TMEM272: variants seen among roughly 807,000 people sequenced by gnomAD.
The protein encoded by TMEM272 is long intergenic non-protein coding RNA 282.
TMEM272 carries 8 observed loss-of-function variants against 3.7 expected under a neutral mutation model. The ratio of observed to expected loss-of-function variants is 2.17; its 90% CI spans 1.27 to 3.91. TMEM272 has a LOEUF of 3.91. TMEM272 is among the 30% of genes most tolerant of loss of function. TMEM272 has a pLI of 0.00. For synonymous variants in TMEM272, 63 were observed against 39.8 expected, an observed-to-expected ratio of 1.58 and a Z score of -2.20; for missense variants, 166 against 91.5, an observed-to-expected ratio of 1.81 and a Z score of -3.32.
the TMEM272 span, among the ~76,000 whole-genome samples, chr13:51,879,560 AG>A: frequency 6.6e-6 from 1 of 152,194 alleles, no homozygotes; most frequent in South Asian, 2.1e-4. Context: ...TACAATTCAG[AG>A]GAAGATTTGG....
chr13:51,926,570 C>A, the TMEM272 span, among the ~76,000 whole-genome samples: 2 of 122,138 alleles, frequency 1.6e-5, no homozygotes, highest in East Asian at 5.1e-4. Context: ...GGGAAGAGCC[C>A]GTGAGAGGCA....
chr13:51,879,726 A>G, the TMEM272 span, among the ~76,000 whole-genome samples: 1 of 152,202 alleles, frequency 6.6e-6, no homozygotes. Flanking sequence ...CACCAAGCAT[A>G]CAACGGTGAC....
At chr13:51,933,138 C>T in the TMEM272 span, 2 of 152,318 alleles carry the variant, frequency 1.3e-5, no homozygotes, top group Middle Eastern at 3.4e-3. Context: ...AATAGATCAC[C>T]TGGTAGATTT....
At position 51,816,230 on chromosome 13, in the gene TMEM272, A is replaced by G. The variant is rs1458684014; in HGVS notation, c.*521T>C. 1 of 155,012 alleles carries G rather than the reference A, an allele frequency of 6.5e-6. No homozygotes were observed. Among genetic ancestry groups the G allele is most frequent in the Non-Finnish European group, 1.4e-5 (1 of 69,724 alleles). 9.6% of individuals were successfully genotyped at this position (155,012 alleles called of 1,614,324 possible). On this transcript the variant is annotated 3_prime_UTR_variant, in exon 5 of 5. Transcript: ENST00000629372. ...GAGACTGCTCCTTCACTTTCCCAAA[A>G]GGCAGCTAGAGTCACTAAAAGAATA...
the TMEM272 span, among the ~76,000 whole-genome samples, chr13:51,897,362 A>ATTTTTTTTTTTTTTT: frequency 1.2e-4 from 10 of 82,442 alleles, 2 homozygotes; most frequent in South Asian, 4.3e-4. Flanking sequence ...TGTCTGGCTA[A>ATTTTTTTTTTTTTTT]TTTTTTTTTT....
the TMEM272 span, among the ~76,000 whole-genome samples, chr13:51,861,626 A>G: frequency 6.6e-6 from 1 of 152,218 alleles, no homozygotes; most frequent in South Asian, 2.1e-4. Flanking sequence ...TCACGCTACT[A>G]GTATTCACAT....
the TMEM272 span, among the ~76,000 whole-genome samples, chr13:51,898,690 C>A: frequency 6.6e-6 from 1 of 151,100 alleles, no homozygotes; most frequent in Non-Finnish European, 1.5e-5. Context: ...CTGCACAAAG[C>A]CAACAAGAAT....
chr13:51,823,951 G>C (rs577082887), intron 3 of TMEM272, among the ~76,000 whole-genome samples: 3 of 152,308 alleles, frequency 2.0e-5, no homozygotes, highest in East Asian at 3.9e-4. Context: ...AGGTGAATTT[G>C]TTATTAAATG....
chr13:51,899,114 G>A, the TMEM272 span, among the ~76,000 whole-genome samples: 2 of 152,032 alleles, frequency 1.3e-5, no homozygotes, highest in African/African-American at 4.8e-5. Context: ...CTCTTATCTG[G>A]AAAATCCACA....
chr13:51,851,503 G>GA, the TMEM272 span, among the ~76,000 whole-genome samples: 1 of 146,434 alleles, frequency 6.8e-6, no homozygotes, highest in Non-Finnish European at 1.5e-5. Context: ...AAATCAGCAC[G>GA]AAAAGACCTT....
At chr13:51,906,776 C>CA in the TMEM272 span, among the ~76,000 whole-genome samples, 1 of 152,224 alleles carries the variant, frequency 6.6e-6, no homozygotes, top group Non-Finnish European at 1.5e-5. Context: ...AAAGCCATGC[C>CA]AACTCTCCTC....
intron 4 of TMEM272, among the ~76,000 whole-genome samples, chr13:51,821,656 CT>C (rs1261843520): frequency 2.4e-5 from 3 of 125,198 alleles, no homozygotes; most frequent in African/African-American, 3.5e-5. Flanking sequence ...CAACAGGAAG[CT>C]TTTTTTTCCT....
rs73496003 is a variant in TMEM272, at chr13:51,837,997, T to A, written c.58+476A>T. 6.0e-3 allele frequency among the ~76,000 whole-genome samples: 908 copies of A among 152,284 alleles called. 5 individuals are homozygous for A. Among genetic ancestry groups the A allele is most frequent in the African/African-American group, 0.021 (868 of 41,542 alleles). On this transcript the variant is annotated intron_variant, in intron 2 of 4. Transcript: ENST00000629372. Reference sequence around the variant, plus strand: ...GGCCTGGGATCTGATTTTGGGATATTCCAAACACAAGACAGACTGGGTCTT... The same window carrying A: ...GGCCTGGGATCTGATTTTGGGATATACCAAACACAAGACAGACTGGGTCTT...
chr13:51,866,750 C>T, the TMEM272 span, among the ~76,000 whole-genome samples: 1 of 152,196 alleles, frequency 6.6e-6, no homozygotes, highest in Admixed American at 6.5e-5. Flanking sequence ...CCCAAGAGCA[C>T]TGACGCCCCT....
the TMEM272 span, among the ~76,000 whole-genome samples, chr13:51,889,637 G>T: frequency 3.4e-4 from 52 of 151,916 alleles, no homozygotes; most frequent in Middle Eastern, 6.8e-3. Flanking sequence ...TGTGTGTGTG[G>T]GGGGGTTTTG....
At chr13:51,919,474 C>T in the TMEM272 span, among the ~76,000 whole-genome samples, 1 of 152,034 alleles carries the variant, frequency 6.6e-6, no homozygotes, top group Admixed American at 6.5e-5. Flanking sequence ...GTATATAGCC[C>T]CAGACCATGT....
intron 2 of TMEM272, among the ~76,000 whole-genome samples, chr13:51,834,717 C>A (rs1205186265): frequency 2.0e-5 from 3 of 152,130 alleles, no homozygotes; most frequent in African/African-American, 7.2e-5. Context: ...CTTTGCTGGG[C>A]CCTTCTCTGC....
At chr13:51,886,433 T>G in the TMEM272 span, among the ~76,000 whole-genome samples, 53 of 152,212 alleles carry the variant, frequency 3.5e-4, 1 homozygote, top group Non-Finnish European at 2.9e-4. Context: ...ACTTATATTA[T>G]TCCCATTTTA....
At chr13:51,884,814 T>C in the TMEM272 span, among the ~76,000 whole-genome samples, 15 of 152,218 alleles carry the variant, frequency 9.9e-5, no homozygotes, top group Non-Finnish European at 1.9e-4. Context: ...AGCTGATACA[T>C]GTAAAGCACT....
Sources: gnomAD v4.1 joint callset for allele counts (sites outside exome capture counted in the v4.1 genomes callset) on GRCh38, gnomAD v4.1.1 for gene constraint, MANE v1.5 for transcripts, NCBI Gene and HGNC (gene_info 2026-07-23, HGNC 2026-07-21) for gene names.